Variants in CCSER1 observed in about 807,000 individuals in gnomAD.
CCSER1 encodes serine-rich coiled-coil domain-containing protein 1.
CCSER1 carries 41 observed loss-of-function variants against 82.0 expected under a neutral mutation model. The ratio of observed to expected loss-of-function variants is 0.50; its 90% CI spans 0.39 to 0.65. CCSER1 has a LOEUF of 0.65. Among genes scored for constraint, CCSER1 ranks in the 30% least tolerant of loss-of-function variants. CCSER1 has a pLI of 0.00. For synonymous variants in CCSER1, 414 were observed against 383.9 expected (o/e 1.08, Z -0.92); for missense variants, 1,119 against 1,064.2 (o/e 1.05, Z -0.72).
intron 10 of CCSER1, among the ~76,000 whole-genome samples, chr4:91,104,922 A>C (rs1174826792): frequency 6.6e-6 from 1 of 152,214 alleles, no homozygotes; most frequent in Admixed American, 6.5e-5. Context: ...GTATAAATTC[A>C]TGTGGTACAG....
chr4:90,841,596 A>AG (rs1554025563), intron 8 of CCSER1, among the ~76,000 whole-genome samples: 1 of 151,336 alleles, frequency 6.6e-6, no homozygotes, highest in Admixed American at 6.6e-5. Flanking sequence ...AAAAAAAAAA[A>AG]AAGAAGAAGA....
chr4:91,439,823 G>T (rs929998248), intron 10 of CCSER1, among the ~76,000 whole-genome samples: 2 of 152,042 alleles, frequency 1.3e-5, no homozygotes, highest in African/African-American at 4.8e-5. Flanking sequence ...TCCTAGTCTT[G>T]GATAAAACAG....
At chr4:90,208,769 C>A (rs1013875606) in intron 1 of CCSER1, among the ~76,000 whole-genome samples, 1 of 152,128 alleles carries the variant, frequency 6.6e-6, no homozygotes, top group African/African-American at 2.4e-5. Context: ...AGTTCCCCAA[C>A]CCCTTTTGCT....
At chr4:91,167,706 G>C (rs1171016410) in intron 10 of CCSER1, among the ~76,000 whole-genome samples, 1 of 152,174 alleles carries the variant, frequency 6.6e-6, no homozygotes, top group Non-Finnish European at 1.5e-5. Context: ...CTGTGGCTCA[G>C]GGAATATATA....
chr4:90,281,465 A>G (rs1728833042), intron 1 of CCSER1, among the ~76,000 whole-genome samples: 1 of 152,060 alleles, frequency 6.6e-6, no homozygotes, highest in Admixed American at 6.6e-5. Context: ...GTCAAGGTGC[A>G]CATGTACCCC....
At chr4:90,520,771 T>A (rs1047001446) in intron 5 of CCSER1, among the ~76,000 whole-genome samples, 1 of 152,116 alleles carries the variant, frequency 6.6e-6, no homozygotes, top group Non-Finnish European at 1.5e-5. Flanking sequence ...TTAGGCAATG[T>A]TTGTTAAAAT....
intron 5 of CCSER1, among the ~76,000 whole-genome samples, chr4:90,504,127 T>G (rs1171608615): frequency 6.6e-6 from 1 of 152,222 alleles, no homozygotes; most frequent in Non-Finnish European, 1.5e-5. Flanking sequence ...CACTTTTAAG[T>G]AATGTCCAAT....
intron 10 of CCSER1, among the ~76,000 whole-genome samples, chr4:91,509,825 A>G (rs1244535236): frequency 1.3e-5 from 2 of 152,146 alleles, no homozygotes; most frequent in Non-Finnish European, 2.9e-5. Flanking sequence ...ATAGATACAG[A>G]TGAAGATATA....
At chr4:91,073,063 A>G (rs1721600876) in intron 9 of CCSER1, among the ~76,000 whole-genome samples, 1 of 152,082 alleles carries the variant, frequency 6.6e-6, no homozygotes, top group African/African-American at 2.4e-5. Flanking sequence ...CTTTTTTTAA[A>G]TGGGACGTGA....
intron 7 of CCSER1, among the ~76,000 whole-genome samples, chr4:90,755,995 A>AG (rs942617918): frequency 1.2e-4 from 19 of 152,108 alleles, no homozygotes; most frequent in African/African-American, 4.6e-4. Flanking sequence ...GGAGGCCAAG[A>AG]GGGGGTGGAT....
intron 10 of CCSER1, chr4:91,108,049 T>C (rs1725795994): frequency 1.3e-5 from 2 of 152,208 alleles, no homozygotes; most frequent in South Asian, 4.1e-4. Context: ...CAAGTCTATT[T>C]CAGTGAAGTG....
intron 10 of CCSER1, among the ~76,000 whole-genome samples, chr4:91,525,398 T>G (rs1760719999): frequency 6.6e-6 from 1 of 152,164 alleles, no homozygotes; most frequent in Non-Finnish European, 1.5e-5. Context: ...TTTTCTAAGA[T>G]TATTTTTTGG....
chr4:90,808,271 C>T (rs1454902233), intron 7 of CCSER1, among the ~76,000 whole-genome samples: 1 of 151,780 alleles, frequency 6.6e-6, no homozygotes, highest in African/African-American at 2.4e-5. Context: ...AATCTAAGCC[C>T]TAAAACCATA....
chr4:91,437,296 T>G (rs573187797), intron 10 of CCSER1, among the ~76,000 whole-genome samples: 12 of 152,366 alleles, frequency 7.9e-5, no homozygotes, highest in African/African-American at 2.6e-4. Flanking sequence ...GAAGGCAGTT[T>G]ATTTGACCAT....
chr4:90,887,040 T>C (rs1722231833), intron 8 of CCSER1, among the ~76,000 whole-genome samples: 1 of 152,206 alleles, frequency 6.6e-6, no homozygotes, highest in East Asian at 1.9e-4. Context: ...CACACACAGA[T>C]ATAAACCTTC....
chr4:90,178,009 A>G (rs1308644850), intron 1 of CCSER1, among the ~76,000 whole-genome samples: 1 of 152,122 alleles, frequency 6.6e-6, no homozygotes, highest in Non-Finnish European at 1.5e-5. Context: ...AGTATATTGG[A>G]AATATTCAAA....
intron 10 of CCSER1, among the ~76,000 whole-genome samples, chr4:91,419,599 G>T (rs1178755060): frequency 6.6e-6 from 1 of 152,128 alleles, no homozygotes; most frequent in East Asian, 1.9e-4. Context: ...TGGATTGAAA[G>T]AATTAATCTT....
intron 10 of CCSER1, among the ~76,000 whole-genome samples, chr4:91,136,750 A>G (rs1728504725): frequency 1.3e-5 from 2 of 152,120 alleles, no homozygotes; most frequent in South Asian, 4.1e-4. Flanking sequence ...CTATTTATTC[A>G]TTTTGAGTTA....
chr4:91,417,632 G>A (rs1025243986), intron 10 of CCSER1, among the ~76,000 whole-genome samples: 1 of 151,872 alleles, frequency 6.6e-6, no homozygotes, highest in African/African-American at 2.4e-5. Context: ...ATAAGTGGGA[G>A]GTGAATGATA....
Sources: allele counts gnomAD v4.1 joint callset (sites outside exome capture counted in the v4.1 genomes callset), GRCh38; gene constraint gnomAD v4.1.1; transcripts MANE v1.5; gene names NCBI Gene and HGNC (gene_info 2026-07-23, HGNC 2026-07-21).